The following PDE7B variants were observed in gnomAD, a reference collection of about 807,000 sequenced individuals.
PDE7B encodes 3',5'-cyclic-AMP phosphodiesterase 7B.
Under a neutral mutation model 56.2 loss-of-function variants are expected in PDE7B, and 29 were observed. That is an observed-to-expected ratio of 0.52 (90% CI 0.38 to 0.70). PDE7B has a LOEUF of 0.70. Among genes scored for constraint, PDE7B ranks in the 30% least tolerant of loss-of-function variants. PDE7B has a pLI of 0.00. For synonymous variants in PDE7B, 197 were observed against 196.9 expected, an observed-to-expected ratio of 1.00 and a Z score of 0.00; for missense variants, 490 against 565.0, an observed-to-expected ratio of 0.87 and a Z score of 1.35.
chr6:136,000,778 C>A (rs1280270922), intron 2 of PDE7B, among the ~76,000 whole-genome samples: 5 of 152,310 alleles, frequency 3.3e-5, no homozygotes, highest in Middle Eastern at 3.4e-3. Context: ...AGGGCACAGA[C>A]AAACAAAAAG....
At chr6:135,982,554 T>A (rs571566484) in intron 2 of PDE7B, among the ~76,000 whole-genome samples, 1 of 152,296 alleles carries the variant, frequency 6.6e-6, no homozygotes, top group African/African-American at 2.4e-5. Context: ...CCCAGAGGAA[T>A]CTTAGTGACC....
At chr6:135,976,756 A>G (rs553036625) in intron 2 of PDE7B, among the ~76,000 whole-genome samples, 1 of 152,328 alleles carries the variant, frequency 6.6e-6, no homozygotes, top group South Asian at 2.1e-4. Context: ...CTTTACAAGC[A>G]GTCTGATCTG....
chr6:136,158,731 T>C (rs1357614909), intron 8 of PDE7B, among the ~76,000 whole-genome samples: 1 of 152,160 alleles, frequency 6.6e-6, no homozygotes, highest in Non-Finnish European at 1.5e-5. Context: ...CTGAAGGCAC[T>C]TCTACTTGGC....
In PDE7B at chr6:136,192,698, A is replaced by G. The variant is rs1052822234; in HGVS notation, c.*858A>G. ...TGAGTATTATGGGATTGCTACCTGT[A>G]TAAACAATGGCACTGTGAAAATACT... On this transcript the variant is annotated 3_prime_UTR_variant, in exon 13 of 13. Coordinates refer to ENST00000308191, the MANE Select transcript of PDE7B (RefSeq NM_018945.4). 5.9e-5 allele frequency: 9 copies of G among 152,664 alleles called. No homozygotes were observed. The highest frequency in any genetic ancestry group is 1.9e-4 in the African/African-American group (8 of 41,448). 9.5% of individuals were successfully genotyped at this position (152,664 alleles called of 1,614,324 possible).
At position 136,194,414 on chromosome 6, in the gene PDE7B, C is replaced by A. The variant is rs921868750; in HGVS notation, c.*2574C>A. The stretch of plus-strand genomic sequence containing the variant: ...TCCAATGGGTAAGCCCATGATGTAG[C>A]CACTAGTACAATAAAAATCTGAAGT... On this transcript the variant is annotated 3_prime_UTR_variant, in exon 13 of 13. Coordinates refer to ENST00000308191, the MANE Select transcript of PDE7B (RefSeq NM_018945.4). 1 of 152,122 alleles carries A rather than the reference C, an allele frequency of 6.6e-6. No homozygotes were observed. The highest frequency in any genetic ancestry group is 6.5e-5 in the Admixed American group (1 of 15,272). The allele number at this position is 152,122 out of a possible 1,614,324, so 9.4% of individuals were successfully genotyped here.
At chr6:135,961,281 A>ATGTG (rs771473679) in intron 2 of PDE7B, among the ~76,000 whole-genome samples, 3,680 of 89,422 alleles carry the variant, frequency 0.041, 56 homozygotes, top group Non-Finnish European at 0.053. Flanking sequence ...GTGTGTGTGT[A>ATGTG]TGTGTGTGTG....
intron 2 of PDE7B, among the ~76,000 whole-genome samples, chr6:136,018,718 TAATA>T (rs1446368054): frequency 7.9e-5 from 12 of 152,076 alleles, no homozygotes; most frequent in African/African-American, 2.9e-4. Flanking sequence ...TATGGAAAGA[TAATA>T]AATACGTGTA....
At chr6:136,092,297 C>CAATTA (rs1777399865) in intron 2 of PDE7B, among the ~76,000 whole-genome samples, 1 of 152,146 alleles carries the variant, frequency 6.6e-6, no homozygotes, top group African/African-American at 2.4e-5. Flanking sequence ...AGAACTACTT[C>CAATTA]TCTGGGTTCA....
At chr6:136,063,363 A>C (rs954775414) in intron 2 of PDE7B, among the ~76,000 whole-genome samples, 2 of 152,340 alleles carry the variant, frequency 1.3e-5, no homozygotes, top group South Asian at 2.1e-4. Context: ...TGAGGTTAAA[A>C]GTAAACCACA....
intron 2 of PDE7B, among the ~76,000 whole-genome samples, chr6:136,057,328 AACAG>A (rs1776753680): frequency 6.6e-6 from 1 of 152,216 alleles, no homozygotes; most frequent in Non-Finnish European, 1.5e-5. Context: ...AAAGTCATAG[AACAG>A]ACTTTTGGCT....
chr6:135,934,862 TAA>T lies in PDE7B; in HGVS notation c.22-12598_22-12597del, dbSNP rs1193513436. On this transcript the variant is annotated intron_variant, in intron 1 of 12. Coordinates refer to ENST00000308191, the MANE Select transcript of PDE7B (RefSeq NM_018945.4). ...ATATATTTATTTAAATAAATATATA[TAA>T]AAATATATATAAATATTTATTTAAA... Among the ~76,000 whole-genome samples, 19 of 107,474 alleles carry T rather than the reference TAA, an allele frequency of 1.8e-4. 2 individuals are homozygous for T. Among genetic ancestry groups the T allele is most frequent in the African/African-American group, 7.9e-4 (19 of 24,146 alleles). The allele number at this position is 107,474 out of a possible 152,430, so 70.5% of individuals were successfully genotyped here. A position where few individuals can be genotyped will look rare whatever the true frequency, so the allele number is the denominator to read the frequency against.
chr6:136,179,144 A>C lies in PDE7B; in HGVS notation c.948+3A>C. 1 of 1,613,426 alleles carries C rather than the reference A, an allele frequency of 6.2e-7. No individual in the cohort carries two copies. The highest frequency in any genetic ancestry group is 8.5e-7 in the Non-Finnish European group (1 of 1,179,554). ...AGGACAGGCACTTTATGCTTCAGGT[A>C]AACGAAACAATAAAAGCCATTCTTT... On this transcript the variant is annotated splice_donor_region_variant and intron_variant, in intron 10 of 12. Coordinates refer to ENST00000308191, the MANE Select transcript of PDE7B (RefSeq NM_018945.4).
At chr6:135,986,232 A>C (rs1271008175) in intron 2 of PDE7B, among the ~76,000 whole-genome samples, 3 of 152,210 alleles carry the variant, frequency 2.0e-5, no homozygotes, top group African/African-American at 7.2e-5. Flanking sequence ...AACATCTTTG[A>C]AATGAGAGTA....
intron 1 of PDE7B, among the ~76,000 whole-genome samples, chr6:135,920,356 T>G (rs1774050321): frequency 6.6e-6 from 1 of 152,220 alleles, no homozygotes; most frequent in South Asian, 2.1e-4. Context: ...CCCATGCTTC[T>G]TTTTCCATCT....
rs551278309 is a variant in PDE7B at position 135,885,896 on chromosome 6, C to A, written c.21+33877C>A. The stretch of plus-strand genomic sequence containing the variant: ...TTAAGACAAGATGCTCTGGCGGACT[C>A]CTGTTAATTCACAGGCATGCAGGCA... On this transcript the variant is annotated intron_variant, in intron 1 of 12. Transcript: ENST00000308191. 3.9e-5 allele frequency among the ~76,000 whole-genome samples: 6 copies of A among 152,246 alleles called. No individual in the cohort carries two copies. In the East Asian group the frequency reaches 1.2e-3, roughly 29 times the overall value.
At chr6:136,091,617 G>C (rs774608638) in intron 2 of PDE7B, among the ~76,000 whole-genome samples, 4 of 152,206 alleles carry the variant, frequency 2.6e-5, no homozygotes, top group Non-Finnish European at 4.4e-5. Context: ...TTAACCTCAA[G>C]AAGTATATGT....
intron 1 of PDE7B, among the ~76,000 whole-genome samples, chr6:135,876,686 C>A (rs1038010277): frequency 6.6e-6 from 1 of 151,966 alleles, no homozygotes; most frequent in African/African-American, 2.4e-5. Flanking sequence ...GTGAGACCCC[C>A]GTCTCTACTA....
At chr6:135,972,973 GT>G (rs1775119145) in intron 2 of PDE7B, among the ~76,000 whole-genome samples, 1 of 152,044 alleles carries the variant, frequency 6.6e-6, no homozygotes, top group African/African-American at 2.4e-5. Context: ...TTACCTCATT[GT>G]GGTAAGACCA....
At chr6:135,980,564 G>T (rs1171761587) in intron 2 of PDE7B, among the ~76,000 whole-genome samples, 2 of 152,088 alleles carry the variant, frequency 1.3e-5, no homozygotes, top group Non-Finnish European at 2.9e-5. Context: ...CTAATATCCA[G>T]CATCTACAAT....
Sources: allele counts gnomAD v4.1 joint callset (sites outside exome capture counted in the v4.1 genomes callset), GRCh38; gene constraint gnomAD v4.1.1; transcripts MANE v1.5; gene names NCBI Gene and HGNC (gene_info 2026-07-23, HGNC 2026-07-21).